The following NAALADL2 variants were observed in gnomAD, a reference collection of about 807,000 sequenced individuals.
NAALADL2 encodes N-acetylated alpha-linked acidic dipeptidase like 2.
In NAALADL2, 76 loss-of-function variants were observed where a neutral mutation model predicts 87.2. The ratio of observed to expected loss-of-function variants is 0.87; its 90% CI spans 0.72 to 1.05. NAALADL2 has a LOEUF of 1.05. NAALADL2 is among the 50% of genes least tolerant of loss of function. The probability of loss-of-function intolerance (pLI) is 0.00; values close to 1 mark genes in which losing one functional copy is unlikely to be tolerated. For missense variants in NAALADL2, 1,089 were observed against 945.8 expected (o/e 1.15, Z -1.99); for synonymous variants, 354 against 331.0 (o/e 1.07, Z -0.75).
intron 2 of NAALADL2, among the ~76,000 whole-genome samples, chr3:174,699,601 T>C (rs1262095706): frequency 6.6e-6 from 1 of 152,202 alleles, no homozygotes; most frequent in Non-Finnish European, 1.5e-5. Context: ...ATTCTTCCTG[T>C]TAATTTTTGA....
At chr3:175,657,590 T>TTC (rs1731648208) in intron 11 of NAALADL2, among the ~76,000 whole-genome samples, 1 of 151,566 alleles carries the variant, frequency 6.6e-6, no homozygotes, top group African/African-American at 2.4e-5. Flanking sequence ...TTTTTTTTTT[T>TTC]TTTCTTTTGA....
intron 11 of NAALADL2, among the ~76,000 whole-genome samples, chr3:175,653,724 A>G (rs1731085979): frequency 6.6e-6 from 1 of 152,128 alleles, no homozygotes; most frequent in Non-Finnish European, 1.5e-5. Context: ...CTATAACAAC[A>G]GTGGCATCCT....
chr3:174,733,878 C>T (rs1578721491), intron 2 of NAALADL2, among the ~76,000 whole-genome samples: 1 of 152,260 alleles, frequency 6.6e-6, no homozygotes, highest in East Asian at 1.9e-4. Flanking sequence ...TCTGGCCTCT[C>T]ACTTTCTGGA....
At chr3:175,299,690 T>G (rs376058387) in intron 4 of NAALADL2, among the ~76,000 whole-genome samples, 79 of 152,314 alleles carry the variant, frequency 5.2e-4, no homozygotes, top group African/African-American at 1.8e-3. Context: ...TAAGGAGTTT[T>G]TGGGCTGAGA....
intron 2 of NAALADL2, among the ~76,000 whole-genome samples, chr3:174,660,745 A>C (rs1364902096): frequency 2.0e-5 from 3 of 152,060 alleles, no homozygotes; most frequent in African/African-American, 4.8e-5. Context: ...TAATAAACAA[A>C]AAGAACATAA....
intron 11 of NAALADL2, among the ~76,000 whole-genome samples, chr3:175,729,810 T>TC (rs1278784093): frequency 6.6e-6 from 1 of 151,876 alleles, no homozygotes; most frequent in African/African-American, 2.4e-5. Flanking sequence ...CATCCCAGTT[T>TC]TTTTTTCCCA....
At chr3:174,949,107 A>G (rs192166208) in intron 1 of NAALADL2, among the ~76,000 whole-genome samples, 4 of 152,176 alleles carry the variant, frequency 2.6e-5, no homozygotes, top group Admixed American at 2.6e-4. Context: ...TCATCTCCCA[A>G]AGATCCCACC....
chr3:174,838,535 G>A (rs1176461134), intron 3 of NAALADL2, among the ~76,000 whole-genome samples: 1 of 152,078 alleles, frequency 6.6e-6, no homozygotes, highest in Non-Finnish European at 1.5e-5. Context: ...ATCCAAATCA[G>A]TAAAGAGGAA....
chr3:174,551,030 C>T (rs1174756864), intron 2 of NAALADL2: 2 of 151,890 alleles, frequency 1.3e-5, no homozygotes, highest in Non-Finnish European at 2.9e-5. Flanking sequence ...TTTTAGGGTA[C>T]ATGTGCACAA....
chr3:174,658,162 T>C (rs548282691), intron 2 of NAALADL2, among the ~76,000 whole-genome samples: 25 of 152,300 alleles, frequency 1.6e-4, no homozygotes, highest in African/African-American at 6.0e-4. Context: ...GATTGTACGG[T>C]AAGAGCATGT....
At chr3:174,456,333 A>T (rs1484207333) in intron 1 of NAALADL2, among the ~76,000 whole-genome samples, 1 of 145,430 alleles carries the variant, frequency 6.9e-6, no homozygotes, top group Non-Finnish European at 1.5e-5. Flanking sequence ...TACCAATGAC[A>T]TTCTTCACAC....
At chr3:174,648,451 C>T (rs1277037742) in intron 2 of NAALADL2, among the ~76,000 whole-genome samples, 1 of 151,940 alleles carries the variant, frequency 6.6e-6, no homozygotes, top group Admixed American at 6.6e-5. Flanking sequence ...GTTCTTAGAA[C>T]ATATCCTCTG....
At chr3:175,767,815 C>T (rs1351652262) in intron 13 of NAALADL2, among the ~76,000 whole-genome samples, 1 of 152,130 alleles carries the variant, frequency 6.6e-6, no homozygotes, top group African/African-American at 2.4e-5. Flanking sequence ...CAGGCAACTT[C>T]CAGCAGCTCT....
intron 1 of NAALADL2, among the ~76,000 whole-genome samples, chr3:175,014,384 C>A (rs1750551545): frequency 6.6e-6 from 1 of 152,084 alleles, no homozygotes; most frequent in Non-Finnish European, 1.5e-5. Flanking sequence ...TCATTTTTAA[C>A]ATAATTTGAT....
chr3:175,391,196 C>A (rs151225712), intron 5 of NAALADL2, among the ~76,000 whole-genome samples: 1 of 152,204 alleles, frequency 6.6e-6, no homozygotes, highest in African/African-American at 2.4e-5. Context: ...ATTGAGAAAC[C>A]CTTTCTCTTC....
At chr3:175,520,743 C>T (rs1374498635) in intron 9 of NAALADL2, among the ~76,000 whole-genome samples, 1 of 152,094 alleles carries the variant, frequency 6.6e-6, no homozygotes, top group Non-Finnish European at 1.5e-5. Flanking sequence ...AGAAATCCTC[C>T]CTCACATATG....
chr3:175,698,467 ATGTG>A lies in NAALADL2; in HGVS notation c.1897-38835_1897-38832del, dbSNP rs1311771827. Among the ~76,000 whole-genome samples, 5 of 126,568 alleles carry A rather than the reference ATGTG, an allele frequency of 4.0e-5. 2 individuals carry two copies. The highest frequency in any genetic ancestry group is 2.1e-4 in the East Asian group (1 of 4,786). 83.0% of individuals were successfully genotyped at this position (126,568 alleles called of 152,430 possible). On this transcript the variant is annotated intron_variant, in intron 11 of 13. Transcript: ENST00000454872. ...TGTATGTATACATATATGTGTATAT[ATGTG>A]TGTATATATATTTATATATATATAT...
At chr3:175,267,717 A>C (rs1170451079) in intron 4 of NAALADL2, among the ~76,000 whole-genome samples, 2 of 152,118 alleles carry the variant, frequency 1.3e-5, no homozygotes, top group Non-Finnish European at 2.9e-5. Context: ...GTACATTTGC[A>C]TCACGTGTAC....
chr3:174,739,584 C>T (rs903811938), intron 3 of NAALADL2, among the ~76,000 whole-genome samples: 1 of 152,040 alleles, frequency 6.6e-6, no homozygotes, highest in Non-Finnish European at 1.5e-5. Flanking sequence ...GTATATTATA[C>T]AAAGCATGCA....
Sources: gnomAD v4.1 joint callset for allele counts (sites outside exome capture counted in the v4.1 genomes callset) on GRCh38, gnomAD v4.1.1 for gene constraint, MANE v1.5 for transcripts, NCBI Gene and HGNC (gene_info 2026-07-23, HGNC 2026-07-21) for gene names.